PROM1: variants seen among roughly 807,000 people sequenced by gnomAD.
PROM1 encodes prominin-1.
A neutral mutation model predicts 116.9 loss-of-function variants in PROM1; 105 were observed. The ratio of observed to expected loss-of-function variants is 0.90; its 90% CI spans 0.77 to 1.06. The LOEUF is 1.06. Among genes scored for constraint, PROM1 ranks in the 50% least tolerant of loss-of-function variants. PROM1 has a pLI of 0.00. For missense variants in PROM1, 1,122 were observed against 1,045.2 expected, an observed-to-expected ratio of 1.07 and a Z score of -1.01; for synonymous variants, 393 against 387.0, an observed-to-expected ratio of 1.02 and a Z score of -0.18.
At chr4:16,077,014 C>T (rs1302437765) in intron 1 of PROM1, among the ~76,000 whole-genome samples, 1 of 152,210 alleles carries the variant, frequency 6.6e-6, no homozygotes, top group East Asian at 1.9e-4. Context: ...AGGTTTCTCC[C>T]CATGTGATAG....
intron 26 of PROM1, among the ~76,000 whole-genome samples, chr4:15,972,190 AG>A (rs1329761258): frequency 6.6e-6 from 1 of 152,206 alleles, no homozygotes; most frequent in Non-Finnish European, 1.5e-5. Context: ...CCTGGAAGAG[AG>A]GGAACTCTGG....
intron 2 of PROM1, among the ~76,000 whole-genome samples, chr4:16,041,172 AT>A (rs1735138391): frequency 6.6e-6 from 1 of 152,220 alleles, no homozygotes; most frequent in African/African-American, 2.4e-5. Flanking sequence ...GCGGTGGTAG[AT>A]AAGAATGCAA....
rs1728354129 is a variant in PROM1 at position 16,016,228 on chromosome 4, C to T, written c.1015G>A (p.Asp339Asn). 1 of 1,551,532 alleles carries T rather than the reference C, an allele frequency of 6.4e-7. No individual in the cohort carries two copies. Among genetic ancestry groups the T allele is most frequent in the Non-Finnish European group, 8.7e-7 (1 of 1,147,238 alleles). ...NPELRQLPPV[D>N]AELDNVNNVL... Reference sequence around the variant, plus strand: ...TTATTAACGTTGTCAAGTTCTGCATCCACGGGTGGAAGCTGAAAATTTATA... The same window carrying T: ...TTATTAACGTTGTCAAGTTCTGCATTCACGGGTGGAAGCTGAAAATTTATA... The change falls in exon 10 of 28, where the codon GAT becomes AAT. Residue 339 changes from aspartate (D) to asparagine (N), a missense_variant. Physicochemically the swap from Asp to Asn is conservative, Grantham distance 23. Transcript: ENST00000447510.
Position 16,035,593 on chromosome 4 carries a change from T to C in PROM1, c.303+142A>G, listed in dbSNP as rs540491750. 14 of 822,036 alleles carry C rather than the reference T, an allele frequency of 1.7e-5. No individual in the cohort carries two copies. In the South Asian group the frequency reaches 1.9e-4, roughly 11 times the overall value. The allele number at this position is 822,036 out of a possible 1,614,324, so 50.9% of individuals were successfully genotyped here. On this transcript the variant is annotated intron_variant, in intron 4 of 27. Coordinates refer to ENST00000447510, the MANE Select transcript of PROM1 (RefSeq NM_006017.3). The stretch of plus-strand genomic sequence containing the variant: ...GATCAACATGTAAATATTACAGAGA[T>C]ATCTTTCTTCAAAGAGAAGGTTAAA...
At chr4:16,042,407 T>G (rs1187664217) in intron 2 of PROM1, among the ~76,000 whole-genome samples, 1 of 152,140 alleles carries the variant, frequency 6.6e-6, no homozygotes, top group Non-Finnish European at 1.5e-5. Flanking sequence ...CACAAAAGCC[T>G]GCGTGGAAAA....
intron 22 of PROM1, 36 bp from the exon 23 acceptor site, chr4:15,984,391 C>T: frequency 1.4e-6 from 2 of 1,435,248 alleles, no homozygotes; most frequent in Non-Finnish European, 1.9e-6. Flanking sequence ...CTTTGAGCTG[C>T]ATCCACAAAA....
chr4:16,061,915 G>T (rs1257976390), intron 2 of PROM1, among the ~76,000 whole-genome samples: 2 of 139,046 alleles, frequency 1.4e-5, no homozygotes, highest in African/African-American at 5.4e-5. Context: ...TTTTTGAGAC[G>T]GAGTCTCGCT....
In PROM1 at chr4:16,076,051, A is replaced by C. The variant is rs1445319691; in HGVS notation, c.-145T>G. ...TGCTGAATCTTCAGTTTTCTGTCTG[A>C]GGCTGGCTTGAGGCGAGGGATGCGG... On this transcript the variant is annotated 5_prime_UTR_variant, in exon 2 of 28. Coordinates refer to ENST00000447510, the MANE Select transcript of PROM1 (RefSeq NM_006017.3). The C allele has an allele frequency of 2.1e-6, 3 of 1,429,912 alleles. No individual in the cohort carries two copies. Among genetic ancestry groups the C allele is most frequent in the East Asian group, 5.0e-5 (2 of 39,984 alleles). The allele number at this position is 1,429,912 out of a possible 1,614,324, so 88.6% of individuals were successfully genotyped here.
intron 6 of PROM1, 139 bp downstream of exon 6, chr4:16,025,053 C>T: frequency 1.9e-6 from 2 of 1,064,214 alleles, no homozygotes; most frequent in South Asian, 1.9e-5. Context: ...TTTATTCATC[C>T]AGGACATTAA....
intron 2 of PROM1, among the ~76,000 whole-genome samples, chr4:16,053,687 A>G (rs922212799): frequency 1.3e-5 from 2 of 152,236 alleles, no homozygotes; most frequent in African/African-American, 2.4e-5. Flanking sequence ...ATGGAAAGAA[A>G]AGATAAATAA....
chr4:16,014,224 T>C (rs548274250), intron 10 of PROM1, among the ~76,000 whole-genome samples: 30 of 152,342 alleles, frequency 2.0e-4, no homozygotes, highest in South Asian at 4.1e-4. Context: ...TGCCAGCCAG[T>C]TTCCACCTTA....
intron 15 of PROM1, 108 bp from the exon 16 acceptor site, chr4:15,994,179 T>C (rs1721748263): frequency 6.5e-7 from 1 of 1,547,178 alleles, no homozygotes; most frequent in Non-Finnish European, 8.7e-7. Flanking sequence ...GTTTAATCTG[T>C]GAACACAGAA....
chr4:15,994,815 ATG>A (rs1270561239), intron 15 of PROM1, among the ~76,000 whole-genome samples: 1 of 152,180 alleles, frequency 6.6e-6, no homozygotes, highest in Non-Finnish European at 1.5e-5. Context: ...GGCCTGAGGG[ATG>A]CCTGGAAGAA....
chr4:15,977,288 G>A (rs1467810086), intron 26 of PROM1, among the ~76,000 whole-genome samples: 1 of 152,132 alleles, frequency 6.6e-6, no homozygotes. Context: ...GCAAACACCA[G>A]GAAGCAATTC....
intron 5 of PROM1, among the ~76,000 whole-genome samples, chr4:16,030,714 A>G (rs780880375): frequency 6.6e-6 from 1 of 152,172 alleles, no homozygotes; most frequent in Non-Finnish European, 1.5e-5. Flanking sequence ...ACACATAACT[A>G]TATGTAATGC....
In PROM1 at chr4:15,991,265, A is replaced by G; in HGVS notation, c.1940T>C (p.Leu647Pro). The G allele has an allele frequency of 6.2e-7, 1 of 1,607,244 alleles. No homozygotes were observed. The highest frequency in any genetic ancestry group is 8.5e-7 in the Non-Finnish European group (1 of 1,177,714). ...TTCTAGATCATATGCAAATGATAAAAGATTCACTCCTGCGGGGGATTTACC... is the reference window on the plus strand; with the variant it reads ...TTCTAGATCATATGCAAATGATAAAGGATTCACTCCTGCGGGGGATTTACC... ...QTGKSPAGVN[L>P]LSFAYDLEAK... The change falls in exon 18 of 28, where the codon CTT (leucine) becomes CCT (proline). Residue 647 changes from leucine (L) to proline (P), a missense_variant. Transcript: ENST00000447510.
chr4:16,055,595 C>T (rs896459488), intron 2 of PROM1: 8 of 326,736 alleles, frequency 2.4e-5, no homozygotes, highest in South Asian at 1.8e-4. Context: ...GAGGCTGTCA[C>T]GGAATCAATA....
At position 15,985,785 on chromosome 4, in the gene PROM1, T is replaced by C. The variant is rs1372280258; in HGVS notation, c.2255A>G (p.His752Arg). ...AGAGAACTCGATCCACTGCAGATAA[T>C]GTTCAAAATATCCTATTATTGTTCT... ...YGRTIIGYFEHYLQWIEFSIS... is the reference protein window; with the variant it reads ...YGRTIIGYFERYLQWIEFSIS... Residue 752 changes from histidine to arginine, a missense_variant, in exon 22 of 28, where the codon CAT (histidine) becomes CGT (arginine). Transcript: ENST00000447510. 7 of 1,576,938 alleles carry C rather than the reference T, an allele frequency of 4.4e-6. No homozygotes were observed. Among genetic ancestry groups the C allele is most frequent in the Non-Finnish European group, 6.1e-6 (7 of 1,149,922 alleles).
chr4:16,033,527 G>A lies in PROM1; in HGVS notation c.304-18C>T. 2.1e-6 allele frequency: 3 copies of A among 1,402,832 alleles called. No individual in the cohort carries two copies. Among genetic ancestry groups the A allele is most frequent in the South Asian group, 1.3e-5 (1 of 78,840 alleles). 86.9% of individuals were successfully genotyped at this position (1,402,832 alleles called of 1,614,324 possible). ...TAGACAATCTGCAATTCAAACAAAA[G>A]AAACAGCACATATTGTAGCACAAAA... On this transcript the variant is annotated intron_variant, in intron 4 of 27. Transcript: ENST00000447510.
Sources: allele counts gnomAD v4.1 joint callset (sites outside exome capture counted in the v4.1 genomes callset), GRCh38; gene constraint gnomAD v4.1.1; transcripts MANE v1.5; gene names NCBI Gene and HGNC (gene_info 2026-07-23, HGNC 2026-07-21).